TTLL7: variants seen among roughly 807,000 people sequenced by gnomAD.
The protein encoded by TTLL7 is tubulin tyrosine ligase like 7.
In TTLL7, 53 loss-of-function variants were observed where a neutral mutation model predicts 120.2. The ratio of observed to expected loss-of-function variants is 0.44; its 90% CI spans 0.35 to 0.55. The LOEUF is 0.55. TTLL7 is among the 20% of genes least tolerant of loss of function. TTLL7 has a pLI of 0.00. For synonymous variants in TTLL7, 353 were observed against 351.7 expected (o/e 1.00, Z -0.04); for missense variants, 803 against 1,054.7 (o/e 0.76, Z 3.31).
At chr1:83,914,609 C>T (rs1657979232) in intron 14 of TTLL7, among the ~76,000 whole-genome samples, 1 of 152,020 alleles carries the variant, frequency 6.6e-6, no homozygotes, top group Non-Finnish European at 1.5e-5. Flanking sequence ...GGATTAGAGG[C>T]GTGAGCCACC....
At chr1:83,902,276 A>G (rs1656786129) in intron 18 of TTLL7, 1 of 151,806 alleles carries the variant, frequency 6.6e-6, no homozygotes, top group African/African-American at 2.4e-5. Flanking sequence ...GTTGGCCCAC[A>G]TTTCTCTCCA....
At chr1:83,981,992 T>A (rs1652010795) in intron 1 of TTLL7, among the ~76,000 whole-genome samples, 1 of 152,112 alleles carries the variant, frequency 6.6e-6, no homozygotes, top group East Asian at 1.9e-4. Context: ...CTCAAGAATT[T>A]CTCAAGTGCC....
intron 18 of TTLL7, 55 bp downstream of exon 18, chr1:83,904,024 T>A: frequency 7.2e-7 from 1 of 1,392,856 alleles, no homozygotes; most frequent in Non-Finnish European, 1.0e-6. Flanking sequence ...GGCTTAATGA[T>A]CCTAGCTTAA....
intron 18 of TTLL7, among the ~76,000 whole-genome samples, chr1:83,901,314 CT>C (rs1656704534): frequency 6.6e-6 from 1 of 151,842 alleles, no homozygotes. Context: ...ACATAGAAAG[CT>C]GCAATTATAT....
At chr1:83,985,227 A>G (rs1339633171) in intron 1 of TTLL7, among the ~76,000 whole-genome samples, 1 of 152,190 alleles carries the variant, frequency 6.6e-6, no homozygotes, top group East Asian at 1.9e-4. Context: ...CAGAGGCCCA[A>G]AAACCCCTGG....
chr1:83,890,890 G>A (rs996941990), intron 18 of TTLL7, among the ~76,000 whole-genome samples: 8 of 152,030 alleles, frequency 5.3e-5, no homozygotes, highest in African/African-American at 1.4e-4. Context: ...TGTTCAATAT[G>A]TAGAGATTTC....
chr1:83,881,798 T>G (rs530663035), intron 20 of TTLL7, among the ~76,000 whole-genome samples: 5,879 of 149,946 alleles, frequency 0.039, 101 homozygotes, highest in Middle Eastern at 0.084. Flanking sequence ...CGTATGTTTA[T>G]TGCGGCACTA....
intron 1 of TTLL7, among the ~76,000 whole-genome samples, chr1:83,956,993 T>A (rs1157164911): frequency 2.0e-5 from 3 of 152,216 alleles, no homozygotes; most frequent in Non-Finnish European, 2.9e-5. Context: ...CATCAAACTG[T>A]GTTCTCCATT....
At chr1:83,953,604 G>C (rs1181429094) in intron 1 of TTLL7, among the ~76,000 whole-genome samples, 3 of 151,936 alleles carry the variant, frequency 2.0e-5, no homozygotes, top group African/African-American at 7.3e-5. Context: ...ACCAACTGTA[G>C]GTAGGCATTT....
intron 9 of TTLL7, among the ~76,000 whole-genome samples, chr1:83,930,859 C>G (rs1659539938): frequency 6.6e-6 from 1 of 152,086 alleles, no homozygotes; most frequent in South Asian, 2.1e-4. Context: ...CTCTCTCTCT[C>G]TCCTTACCTA....
At position 83,968,633 on chromosome 1, in the gene TTLL7, T is replaced by C. The variant is rs190885869; in HGVS notation, c.-176-16246A>G. On this transcript the variant is annotated intron_variant, in intron 1 of 20. Transcript: ENST00000260505. ...TCATTTCTCTTGGTCTCTTTTAACA[T>C]TGAGACTAGGAAACTGAGGTATCTT... Among the ~76,000 whole-genome samples the C allele has an allele frequency of 2.5e-3, 387 of 152,208 alleles. 2 individuals carry two copies. Among genetic ancestry groups the C allele is most frequent in the Non-Finnish European group, 4.6e-3 (315 of 67,982 alleles).
chr1:83,903,967 A>AGAAAT (rs1656960888), intron 18 of TTLL7, 112 bp downstream of exon 18: 1 of 803,676 alleles, frequency 1.2e-6, no homozygotes, highest in East Asian at 2.6e-5. Flanking sequence ...TGTTTGTTGA[A>AGAAAT]GAAATGAGTA....
At chr1:83,910,421 A>G (rs1250036412) in intron 15 of TTLL7, among the ~76,000 whole-genome samples, 3 of 152,156 alleles carry the variant, frequency 2.0e-5, no homozygotes, top group Admixed American at 6.6e-5. Context: ...GGGTTTTCCA[A>G]CTGAATCTAG....
rs1651455218 is a variant in TTLL7 at position 83,976,069 on chromosome 1, GTGTGTGTC to G, written c.-177+22854_-177+22861del. Among the ~76,000 whole-genome samples, 4 of 113,840 alleles carry G rather than the reference GTGTGTGTC, an allele frequency of 3.5e-5. No individual in the cohort carries two copies. In the South Asian group the frequency reaches 1.2e-3, roughly 34 times the overall value. 74.7% of individuals were successfully genotyped at this position (113,840 alleles called of 152,430 possible). A position where few individuals can be genotyped will look rare whatever the true frequency, so the allele number is the denominator to read the frequency against. ...TGTGTGTGTGTGTGTGTGTGTGTGT[GTGTGTGTC>G]TGTGTGTGTACTATGTCAAGAAGTA... is the stretch of plus-strand genomic sequence containing the variant. On this transcript the variant is annotated intron_variant, in intron 1 of 20. Coordinates refer to ENST00000260505, the MANE Select transcript of TTLL7 (RefSeq NM_024686.6).
At chr1:83,914,534 G>A (rs1657968790) in intron 14 of TTLL7, among the ~76,000 whole-genome samples, 1 of 151,962 alleles carries the variant, frequency 6.6e-6, no homozygotes, top group African/African-American at 2.4e-5. Flanking sequence ...GTTTCACCAT[G>A]TTGGCCAGGA....
chr1:83,970,924 T>A (rs2100569426), intron 1 of TTLL7, among the ~76,000 whole-genome samples: 1 of 152,002 alleles, frequency 6.6e-6, no homozygotes, highest in South Asian at 2.1e-4. Context: ...TTAACCCAAC[T>A]AGGGTCAACC....
chr1:83,976,085 G>A (rs1265432646), intron 1 of TTLL7, among the ~76,000 whole-genome samples: 3 of 149,194 alleles, frequency 2.0e-5, no homozygotes, highest in Non-Finnish European at 4.5e-5. Flanking sequence ...GTCTGTGTGT[G>A]TACTATGTCA....
chr1:83,942,216 T>G (rs1192103715), intron 7 of TTLL7, among the ~76,000 whole-genome samples: 1 of 152,198 alleles, frequency 6.6e-6, no homozygotes, highest in East Asian at 1.9e-4. Flanking sequence ...TCCAGCCTTG[T>G]GCTCACAGCA....
chr1:83,882,176 C>T (rs1571040027), intron 20 of TTLL7, among the ~76,000 whole-genome samples: 1 of 151,200 alleles, frequency 6.6e-6, no homozygotes, highest in South Asian at 2.1e-4. Flanking sequence ...CAGCATGGCA[C>T]ATGTATACAT....
Sources: gnomAD v4.1 joint callset for allele counts (sites outside exome capture counted in the v4.1 genomes callset) on GRCh38, gnomAD v4.1.1 for gene constraint, MANE v1.5 for transcripts, NCBI Gene and HGNC (gene_info 2026-07-23, HGNC 2026-07-21) for gene names.